CSMD1: variants seen among roughly 807,000 people sequenced by gnomAD.
CSMD1 encodes the protein CUB and sushi domain-containing protein 1.
In CSMD1, 213 loss-of-function variants were observed where a neutral mutation model predicts 417.5. The ratio of observed to expected loss-of-function variants is 0.51; its 90% CI spans 0.46 to 0.57. The LOEUF (loss-of-function observed/expected upper bound fraction) is 0.57, where lower values mean the gene tolerates loss of function less well. Among genes scored for constraint, CSMD1 ranks in the 20% least tolerant of loss-of-function variants. The pLI, the probability that CSMD1 is intolerant of heterozygous loss-of-function variation, is 0.00. For missense variants in CSMD1, 6,923 were observed against 4,529.7 expected (o/e 1.53, Z -15.17); for synonymous variants, 2,862 against 1,736.8 (o/e 1.65, Z -16.11).
At chr8:3,679,913 A>G (rs1161308376) in intron 7 of CSMD1, among the ~76,000 whole-genome samples, 1 of 152,220 alleles carries the variant, frequency 6.6e-6, no homozygotes, top group African/African-American at 2.4e-5. Flanking sequence ...TTGGAAACTG[A>G]ACAACTTGCT....
intron 3 of CSMD1, among the ~76,000 whole-genome samples, chr8:4,145,194 G>C (rs759154033): frequency 6.6e-6 from 1 of 151,120 alleles, no homozygotes; most frequent in South Asian, 2.1e-4. Context: ...ACACTAGTAC[G>C]TGTTTATATT....
At chr8:4,401,163 A>G (rs894133547) in intron 3 of CSMD1, among the ~76,000 whole-genome samples, 7 of 152,286 alleles carry the variant, frequency 4.6e-5, no homozygotes, top group African/African-American at 1.4e-4. Flanking sequence ...ATTCATCAAA[A>G]CAGGGGTTCC....
At chr8:4,714,880 C>G (rs147953320) in intron 1 of CSMD1, among the ~76,000 whole-genome samples, 1 of 152,040 alleles carries the variant, frequency 6.6e-6, no homozygotes, top group African/African-American at 2.4e-5. Flanking sequence ...ATCTGTATAC[C>G]TTTAGAATAA....
chr8:3,680,618 G>A (rs1799602185), intron 7 of CSMD1, among the ~76,000 whole-genome samples: 1 of 152,168 alleles, frequency 6.6e-6, no homozygotes, highest in Non-Finnish European at 1.5e-5. Flanking sequence ...ACAAAGAGGA[G>A]CAGGTACCAT....
At chr8:4,037,210 G>C (rs1797668256) in intron 3 of CSMD1, among the ~76,000 whole-genome samples, 2 of 152,178 alleles carry the variant, frequency 1.3e-5, no homozygotes, top group African/African-American at 4.8e-5. Context: ...TTAGAATTTT[G>C]TAGATGTTTT....
intron 6 of CSMD1, among the ~76,000 whole-genome samples, chr8:3,732,966 C>T (rs59580603): frequency 0.058 from 8,839 of 152,128 alleles, 904 homozygotes; most frequent in African/African-American, 0.2. Flanking sequence ...TACCTACCTA[C>T]CTATCTACCA....
At chr8:4,158,307 G>A (rs868797750) in intron 3 of CSMD1, among the ~76,000 whole-genome samples, 1 of 151,936 alleles carries the variant, frequency 6.6e-6, no homozygotes, top group South Asian at 2.1e-4. Context: ...CAAGCCCTTG[G>A]AGGAAGGATG....
chr8:4,323,249 A>G (rs1258211714), intron 3 of CSMD1, among the ~76,000 whole-genome samples: 6 of 152,190 alleles, frequency 3.9e-5, no homozygotes, highest in South Asian at 2.1e-4. Context: ...TGTATAAGCA[A>G]TTTTGCTTAA....
At chr8:4,792,576 A>G (rs1412545336) in intron 1 of CSMD1, among the ~76,000 whole-genome samples, 2 of 152,124 alleles carry the variant, frequency 1.3e-5, no homozygotes, top group African/African-American at 2.4e-5. Flanking sequence ...AGTTGTCAGC[A>G]CGTCCATGCA....
chr8:3,997,421 T>A (rs1054650671), intron 5 of CSMD1, among the ~76,000 whole-genome samples: 2 of 152,148 alleles, frequency 1.3e-5, no homozygotes, highest in African/African-American at 4.8e-5. Context: ...TATTTTGCCT[T>A]TGAGGATCTT....
At chr8:3,758,797 C>A (rs79209314) in intron 5 of CSMD1, among the ~76,000 whole-genome samples, 2,273 of 152,238 alleles carry the variant, frequency 0.015, 24 homozygotes, top group South Asian at 0.027. Flanking sequence ...CTCATGAGGA[C>A]TTTGCAGAAC....
At chr8:3,392,384 C>A (rs964918014) in intron 17 of CSMD1, among the ~76,000 whole-genome samples, 10 of 152,146 alleles carry the variant, frequency 6.6e-5, no homozygotes, top group Non-Finnish European at 1.5e-4. Context: ...CTAGTGCCTG[C>A]ATCTTGGCTT....
chr8:4,405,353 A>G (rs1804935823), intron 3 of CSMD1, among the ~76,000 whole-genome samples: 1 of 152,174 alleles, frequency 6.6e-6, no homozygotes, highest in Non-Finnish European at 1.5e-5. Context: ...TTTCCTAAGA[A>G]TAGAAATGGT....
intron 3 of CSMD1, among the ~76,000 whole-genome samples, chr8:4,217,822 G>C (rs1335419662): frequency 6.6e-6 from 1 of 152,122 alleles, no homozygotes; most frequent in Admixed American, 6.6e-5. Context: ...ACCCTCTCAA[G>C]TAAGATTCAA....
At chr8:3,721,245 T>A (rs1802153737) in intron 6 of CSMD1, among the ~76,000 whole-genome samples, 1 of 152,128 alleles carries the variant, frequency 6.6e-6, no homozygotes, top group Non-Finnish European at 1.5e-5. Flanking sequence ...ATCCAATCAT[T>A]TTTTTTCCTT....
At chr8:3,704,120 C>G (rs191028151) in intron 7 of CSMD1, among the ~76,000 whole-genome samples, 8 of 152,182 alleles carry the variant, frequency 5.3e-5, no homozygotes, top group Admixed American at 5.2e-4. Flanking sequence ...ATAATTAGAG[C>G]AGTCCTCCAT....
intron 3 of CSMD1, among the ~76,000 whole-genome samples, chr8:4,368,277 G>A (rs568438720): frequency 6.6e-6 from 1 of 152,156 alleles, no homozygotes; most frequent in East Asian, 1.9e-4. Flanking sequence ...CTGTGTATAT[G>A]GTGAATCACA....
intron 3 of CSMD1, among the ~76,000 whole-genome samples, chr8:4,105,334 T>C (rs997661089): frequency 9.0e-5 from 11 of 122,848 alleles, no homozygotes; most frequent in Admixed American, 7.7e-4. Context: ...GTAACACTTC[T>C]GAATTTTTTT....
At chr8:4,737,134 C>G (rs576341899) in intron 1 of CSMD1, among the ~76,000 whole-genome samples, 1 of 150,792 alleles carries the variant, frequency 6.6e-6, no homozygotes, top group African/African-American at 2.5e-5. Flanking sequence ...TACATCCATA[C>G]CATGGAATAT....
Sources: allele counts gnomAD v4.1 joint callset (sites outside exome capture counted in the v4.1 genomes callset), GRCh38; gene constraint gnomAD v4.1.1; transcripts MANE v1.5; gene names NCBI Gene and HGNC (gene_info 2026-07-23, HGNC 2026-07-21).